The following ARHGAP26 variants were observed in gnomAD, a reference collection of about 807,000 sequenced individuals.
ARHGAP26 encodes the protein Rho GTPase activating protein 26.
ARHGAP26 carries 38 observed loss-of-function variants against 104.8 expected under a neutral mutation model. The observed-to-expected ratio is 0.36, with a 90% CI of 0.28 to 0.48. The LOEUF is 0.48. ARHGAP26 is among the 20% of genes least tolerant of loss of function. The pLI is 0.99. For synonymous variants in ARHGAP26, 341 were observed against 340.0 expected, an observed-to-expected ratio of 1.00 and a Z score of -0.03; for missense variants, 704 against 947.9, an observed-to-expected ratio of 0.74 and a Z score of 3.38.
intron 3 of ARHGAP26, 138 bp from the exon 4 acceptor site, chr5:142,879,236 A>G: frequency 1.3e-6 from 1 of 777,134 alleles, no homozygotes; most frequent in Non-Finnish European, 2.3e-6. Context: ...CGAAGGTTGT[A>G]AACAGTTGAC....
chr5:143,024,453 G>C (rs868187177), intron 12 of ARHGAP26, among the ~76,000 whole-genome samples: 1 of 152,006 alleles, frequency 6.6e-6, no homozygotes, highest in Admixed American at 6.6e-5. Context: ...TGAGCCACCC[G>C]TTGCCATCCC....
At position 143,172,557 on chromosome 5, in the gene ARHGAP26, TAGATA is replaced by T. The variant is rs142733082; in HGVS notation, c.1988+25178_1988+25182del. Among the ~76,000 whole-genome samples, 259 of 152,370 alleles carry T rather than the reference TAGATA, an allele frequency of 1.7e-3. 1 individual carries two copies. The Middle Eastern group carries it at 0.02, about 12-fold the overall frequency. On this transcript the variant is annotated intron_variant, in intron 20 of 22. Coordinates refer to ENST00000645722, the MANE Select transcript of ARHGAP26 (RefSeq NM_001135608.3). ...ATATTAATGATTTTGAATAGCTCAA[TAGATA>T]ATATCTTCCAAAGCAGTTTCATGCA...
At chr5:143,169,428 C>T (rs1802469770) in intron 20 of ARHGAP26, 1 of 152,258 alleles carries the variant, frequency 6.6e-6, no homozygotes, top group African/African-American at 2.4e-5. Flanking sequence ...TTCAGCTTTC[C>T]TCTTTGCTGA....
At chr5:142,875,064 G>C (rs1755888380) in intron 2 of ARHGAP26, 46 bp from the exon 3 acceptor site, 2 of 1,549,764 alleles carry the variant, frequency 1.3e-6, no homozygotes, top group East Asian at 2.3e-5. Flanking sequence ...GGCTCCCCAA[G>C]GCCCATGACA....
intron 12 of ARHGAP26, among the ~76,000 whole-genome samples, chr5:143,019,117 C>G (rs1598654423): frequency 6.6e-6 from 1 of 152,110 alleles, no homozygotes; most frequent in East Asian, 1.9e-4. Context: ...CCATGGGGAC[C>G]CTTCCTGGAT....
chr5:142,804,881 A>G (rs1762702398), intron 1 of ARHGAP26, among the ~76,000 whole-genome samples: 1 of 151,844 alleles, frequency 6.6e-6, no homozygotes, highest in African/African-American at 2.4e-5. Context: ...TCATGCAACC[A>G]CTAATCTGTG....
At chr5:143,154,028 TC>T (rs1562518203) in intron 20 of ARHGAP26, among the ~76,000 whole-genome samples, 2 of 152,176 alleles carry the variant, frequency 1.3e-5, no homozygotes, top group Admixed American at 6.6e-5. Flanking sequence ...AAACTTGCCT[TC>T]AGAGATATCT....
At chr5:143,035,935 CAAAAAAAAAAAA>C (rs10713064) in intron 12 of ARHGAP26, among the ~76,000 whole-genome samples, 1 of 78,098 alleles carries the variant, frequency 1.3e-5, no homozygotes, top group Non-Finnish European at 2.6e-5. Context: ...GACCTTGTCT[CAAAAAAAAAAAA>C]AAAAAAAAAA....
intron 11 of ARHGAP26, among the ~76,000 whole-genome samples, chr5:142,995,521 G>A (rs1038679682): frequency 2.6e-5 from 4 of 152,194 alleles, no homozygotes; most frequent in African/African-American, 4.8e-5. Flanking sequence ...AACAGATGCC[G>A]GAAAGGATGT....
chr5:143,118,149 CAAAG>C (rs1795715872), intron 17 of ARHGAP26, among the ~76,000 whole-genome samples: 1 of 151,970 alleles, frequency 6.6e-6, no homozygotes, highest in Non-Finnish European at 1.5e-5. Flanking sequence ...GTTTGCCAAG[CAAAG>C]AAAGCAGCAG....
intron 1 of ARHGAP26, among the ~76,000 whole-genome samples, chr5:142,839,394 T>C (rs1255314149): frequency 6.6e-6 from 1 of 152,128 alleles, no homozygotes; most frequent in Admixed American, 6.5e-5. Context: ...TTTACAGATA[T>C]AGGAAGCTAA....
intron 17 of ARHGAP26, among the ~76,000 whole-genome samples, chr5:143,060,427 A>C (rs542008650): frequency 6.6e-6 from 1 of 152,274 alleles, no homozygotes; most frequent in Non-Finnish European, 1.5e-5. Flanking sequence ...CCAGCTAAAA[A>C]TTCATTCAGA....
At chr5:143,136,418 C>T (rs1355933297) in intron 19 of ARHGAP26, among the ~76,000 whole-genome samples, 1 of 152,072 alleles carries the variant, frequency 6.6e-6, no homozygotes, top group South Asian at 2.1e-4. Flanking sequence ...GAAACATGAC[C>T]GGAGCATACA....
At chr5:142,966,121 A>G (rs185668865) in intron 11 of ARHGAP26, among the ~76,000 whole-genome samples, 160 of 152,268 alleles carry the variant, frequency 1.1e-3, no homozygotes, top group Middle Eastern at 3.4e-3. Context: ...AAAAGAGTCA[A>G]ATATTGACAC....
intron 17 of ARHGAP26, among the ~76,000 whole-genome samples, chr5:143,097,139 G>A (rs1354683769): frequency 6.6e-6 from 1 of 152,024 alleles, no homozygotes; most frequent in African/African-American, 2.4e-5. Flanking sequence ...AGGAGTTTGA[G>A]ACCAGCCTGG....
chr5:143,022,841 A>G (rs947612661), intron 12 of ARHGAP26, among the ~76,000 whole-genome samples: 1 of 152,196 alleles, frequency 6.6e-6, no homozygotes, highest in African/African-American at 2.4e-5. Context: ...TTTTTCCTGC[A>G]ACACTTCATA....
intron 1 of ARHGAP26, among the ~76,000 whole-genome samples, chr5:142,836,764 A>G (rs1353866634): frequency 1.3e-5 from 2 of 152,226 alleles, no homozygotes; most frequent in African/African-American, 4.8e-5. Context: ...CAATTTAGAA[A>G]ACCTTTGGAT....
intron 18 of ARHGAP26, among the ~76,000 whole-genome samples, chr5:143,126,876 A>C (rs1796788163): frequency 6.6e-6 from 1 of 152,222 alleles, no homozygotes; most frequent in African/African-American, 2.4e-5. Flanking sequence ...GTATGAACAG[A>C]ATCTTTTCTC....
At chr5:142,799,586 G>A (rs578235776) in intron 1 of ARHGAP26, among the ~76,000 whole-genome samples, 9 of 152,134 alleles carry the variant, frequency 5.9e-5, no homozygotes, top group Non-Finnish European at 1.0e-4. Context: ...ACCACAGATT[G>A]GGTAACTTAT....
Sources: allele counts gnomAD v4.1 joint callset (sites outside exome capture counted in the v4.1 genomes callset), GRCh38; gene constraint gnomAD v4.1.1; transcripts MANE v1.5; gene names NCBI Gene and HGNC (gene_info 2026-07-23, HGNC 2026-07-21).